Variants in NGF observed in about 807,000 individuals in gnomAD.
The protein encoded by NGF is beta-nerve growth factor.
NGF carries 4 observed loss-of-function variants against 12.8 expected under a neutral mutation model. The ratio of observed to expected loss-of-function variants is 0.31; its 90% CI spans 0.15 to 0.72. The LOEUF (loss-of-function observed/expected upper bound fraction) is 0.72. NGF is among the 30% of genes least tolerant of loss of function. The pLI is 0.69. For missense variants in NGF, 283 were observed against 330.8 expected, an observed-to-expected ratio of 0.86 and a Z score of 1.12; for synonymous variants, 140 against 130.0, an observed-to-expected ratio of 1.08 and a Z score of -0.52.
At chr1:115,296,364 T>C (rs1011531303) in intron 1 of NGF, among the ~76,000 whole-genome samples, 1 of 152,214 alleles carries the variant, frequency 6.6e-6, no homozygotes, top group African/African-American at 2.4e-5. Context: ...AGAGAAGTAA[T>C]AGTGACTTTC....
chr1:115,310,749 G>C (rs946811825), intron 1 of NGF, among the ~76,000 whole-genome samples: 1 of 152,066 alleles, frequency 6.6e-6, no homozygotes, highest in African/African-American at 2.4e-5. Context: ...GCTCACATAA[G>C]GTTTGTATAT....
intron 2 of NGF, among the ~76,000 whole-genome samples, chr1:115,287,332 A>G (rs1274333261): frequency 6.6e-6 from 1 of 152,196 alleles, no homozygotes; most frequent in Non-Finnish European, 1.5e-5. Context: ...CCTTTCAGAC[A>G]GTGCACTGGG....
intron 1 of NGF, among the ~76,000 whole-genome samples, chr1:115,325,488 G>A (rs1654747709): frequency 6.6e-6 from 1 of 152,082 alleles, no homozygotes; most frequent in East Asian, 1.9e-4. Context: ...ACAGAAATGA[G>A]GTGGTCACAG....
chr1:115,292,244 G>A (rs867070798), intron 2 of NGF, among the ~76,000 whole-genome samples: 5 of 152,118 alleles, frequency 3.3e-5, no homozygotes, highest in Non-Finnish European at 5.9e-5. Context: ...GAGAGGCATC[G>A]ACAGAGTAAA....
intron 1 of NGF, among the ~76,000 whole-genome samples, chr1:115,314,730 A>G (rs1654428145): frequency 6.6e-6 from 1 of 152,218 alleles, no homozygotes; most frequent in Non-Finnish European, 1.5e-5. Context: ...ACTATTATGC[A>G]CCAAAGCACT....
intron 1 of NGF, among the ~76,000 whole-genome samples, chr1:115,315,083 C>A (rs1654441792): frequency 6.6e-6 from 1 of 152,194 alleles, no homozygotes; most frequent in Admixed American, 6.5e-5. Context: ...AAACAGCAAA[C>A]CTGCCCCTGT....
intron 1 of NGF, among the ~76,000 whole-genome samples, chr1:115,324,178 A>G (rs867273693): frequency 3.9e-5 from 6 of 152,136 alleles, no homozygotes; most frequent in Admixed American, 2.6e-4. Flanking sequence ...TGATTTTCTA[A>G]AACTGAAGGA....
chr1:115,318,847 A>G (rs1241643686), intron 1 of NGF, among the ~76,000 whole-genome samples: 1 of 152,186 alleles, frequency 6.6e-6, no homozygotes, highest in Non-Finnish European at 1.5e-5. Flanking sequence ...ATTCAAGACT[A>G]GCCATCAATA....
chr1:115,332,610 C>A (rs1026888478), intron 1 of NGF, among the ~76,000 whole-genome samples: 5 of 152,216 alleles, frequency 3.3e-5, no homozygotes, highest in Admixed American at 3.3e-4. Context: ...TGGTGCCCCC[C>A]TCATGCCAGG....
chr1:115,301,685 G>T (rs1037138156), intron 1 of NGF, among the ~76,000 whole-genome samples: 3 of 152,172 alleles, frequency 2.0e-5, no homozygotes, highest in African/African-American at 7.2e-5. Context: ...TGCAGCTGTG[G>T]GGCGATTATC....
chr1:115,286,178 G>A lies in NGF; in HGVS notation c.618C>T (p.Thr206=), dbSNP rs1557933395. 2 of 1,614,076 alleles carry A rather than the reference G, an allele frequency of 1.2e-6. No individual in the cohort carries two copies. Among genetic ancestry groups the A allele is most frequent in the East Asian group, 2.2e-5 (1 of 44,858 alleles). The change falls in exon 3 of 3, where the codon ACC becomes ACT. Residue 206 remains threonine (T), a synonymous_variant. Transcript: ENST00000369512. ...HWNSYCTTTH[T]FVKALTMDGK... ...CATCCATGGTCAGCGCCTTGACAAA[G>A]GTGTGAGTCGTGGTACAATATGAGT...
At chr1:115,333,677 C>CTT (rs762767336) in intron 1 of NGF, among the ~76,000 whole-genome samples, 2 of 67,548 alleles carry the variant, frequency 3.0e-5, no homozygotes, top group African/African-American at 2.7e-4. Context: ...TTCTTTCTTT[C>CTT]TTTCTTTCTT....
At chr1:115,315,089 C>T (rs1157714200) in intron 1 of NGF, among the ~76,000 whole-genome samples, 1 of 152,146 alleles carries the variant, frequency 6.6e-6, no homozygotes, top group African/African-American at 2.4e-5. Context: ...CAAACCTGCC[C>T]CTGTGGCTGG....
intron 1 of NGF, among the ~76,000 whole-genome samples, chr1:115,314,277 A>T (rs192394564): frequency 1.3e-5 from 2 of 152,088 alleles, no homozygotes; most frequent in Non-Finnish European, 2.9e-5. Context: ...CTCTCCCCAG[A>T]GCTTGGCTTT....
chr1:115,302,185 C>A (rs971318507), intron 1 of NGF, among the ~76,000 whole-genome samples: 8 of 152,194 alleles, frequency 5.3e-5, no homozygotes, highest in African/African-American at 1.7e-4. Flanking sequence ...TCCCAATTCA[C>A]CTTCTTGGAT....
intron 1 of NGF, among the ~76,000 whole-genome samples, chr1:115,321,298 A>G (rs1654616506): frequency 6.6e-6 from 1 of 152,172 alleles, no homozygotes; most frequent in East Asian, 1.9e-4. Context: ...TGCTTCATAA[A>G]TAGTTGATGA....
At chr1:115,303,724 C>T (rs754617817) in intron 1 of NGF, among the ~76,000 whole-genome samples, 17 of 152,118 alleles carry the variant, frequency 1.1e-4, no homozygotes, top group Non-Finnish European at 2.1e-4. Context: ...CATCATCATC[C>T]CCATCACTTC....
At chr1:115,309,667 C>A (rs1453955757) in intron 1 of NGF, among the ~76,000 whole-genome samples, 2 of 151,988 alleles carry the variant, frequency 1.3e-5, no homozygotes, top group Non-Finnish European at 2.9e-5. Context: ...TGAGTGAGAA[C>A]ATCAATGACA....
chr1:115,315,904 C>G (rs527719341), intron 1 of NGF, among the ~76,000 whole-genome samples: 13 of 152,168 alleles, frequency 8.5e-5, no homozygotes, highest in Non-Finnish European at 1.6e-4. Flanking sequence ...TTGTCAGTCT[C>G]TTGAAGCCTC....
Sources: gnomAD v4.1 joint callset for allele counts (sites outside exome capture counted in the v4.1 genomes callset) on GRCh38, gnomAD v4.1.1 for gene constraint, MANE v1.5 for transcripts, NCBI Gene and HGNC (gene_info 2026-07-23, HGNC 2026-07-21) for gene names.